Variants in RIMS1 observed in about 807,000 individuals in gnomAD.
The protein encoded by RIMS1 is regulating synaptic membrane exocytosis 1.
In RIMS1, 83 loss-of-function variants were observed where a neutral mutation model predicts 214.1. The observed-to-expected ratio is 0.39, with a 90% CI of 0.32 to 0.47. The LOEUF is 0.47. Ranked by LOEUF, RIMS1 falls within the 20% of genes least tolerant of loss-of-function variation. The pLI, the probability that RIMS1 is intolerant of heterozygous loss-of-function variation, is 0.99. For missense variants in RIMS1, 2,050 were observed against 2,161.8 expected (o/e 0.95, Z 1.03); for synonymous variants, 793 against 786.8 (o/e 1.01, Z -0.13).
At chr6:71,987,351 C>T (rs1050884901) in intron 2 of RIMS1, among the ~76,000 whole-genome samples, 1 of 152,212 alleles carries the variant, frequency 6.6e-6, no homozygotes, top group African/African-American at 2.4e-5. Flanking sequence ...TGAGGACCCT[C>T]TTCTTGGTTT....
intron 2 of RIMS1, among the ~76,000 whole-genome samples, chr6:72,007,271 T>G (rs949007321): frequency 6.6e-6 from 1 of 152,122 alleles, no homozygotes; most frequent in African/African-American, 2.4e-5. Flanking sequence ...GTTCTGACTG[T>G]TAGAAGGAAA....
intron 32 of RIMS1, 70 bp from the exon 33 acceptor site, chr6:72,398,870 TAATTCTCTAATAGGG>T: frequency 1.2e-6 from 1 of 820,722 alleles, no homozygotes; most frequent in African/African-American, 1.7e-5. Context: ...TAAGCATCTC[TAATTCTCTAATAGGG>T]AATTCTCTAA....
At chr6:72,124,051 C>T (rs1490447202) in intron 4 of RIMS1, among the ~76,000 whole-genome samples, 2 of 151,796 alleles carry the variant, frequency 1.3e-5, no homozygotes, top group African/African-American at 4.8e-5. Context: ...TTAGTTGATG[C>T]AGTTTCTTCC....
In RIMS1 at chr6:72,274,344, A is replaced by T. The variant is rs920819369; in HGVS notation, c.3399-5A>T. 6.2e-7 allele frequency: 1 copy of T among 1,606,104 alleles called. No homozygotes were observed. The highest frequency in any genetic ancestry group is 1.3e-5 in the African/African-American group (1 of 74,884). ...TTTTTCCTGTCTTGTTCACTGGGCAAACAGGGGTAGATGGTCCCCCTCCCT... is the reference window on the plus strand; with the variant it reads ...TTTTTCCTGTCTTGTTCACTGGGCATACAGGGGTAGATGGTCCCCCTCCCT... On this transcript the variant is annotated splice_polypyrimidine_tract_variant and splice_region_variant and intron_variant, in intron 22 of 33. Coordinates refer to ENST00000521978, the MANE Select transcript of RIMS1 (RefSeq NM_014989.7).
intron 1 of RIMS1, among the ~76,000 whole-genome samples, chr6:71,912,261 C>T (rs1777153228): frequency 6.6e-6 from 1 of 152,062 alleles, no homozygotes; most frequent in African/African-American, 2.4e-5. Flanking sequence ...TAAGATAACA[C>T]ATTTTTGAGT....
chr6:72,130,240 GT>G (rs2040234026), intron 4 of RIMS1, among the ~76,000 whole-genome samples: 1 of 152,060 alleles, frequency 6.6e-6, no homozygotes, highest in African/African-American at 2.4e-5. Context: ...TATTTAATAT[GT>G]TGAATGACAT....
At chr6:72,291,858 C>G in intron 25 of RIMS1, 76 bp from the exon 26 acceptor site, 2 of 1,077,748 alleles carry the variant, frequency 1.9e-6, no homozygotes, top group Non-Finnish European at 1.4e-6. Context: ...TTAATCGTAA[C>G]AGAAAGGAGG....
intron 24 of RIMS1, among the ~76,000 whole-genome samples, chr6:72,286,298 G>C (rs2092292371): frequency 1.3e-5 from 2 of 152,078 alleles, no homozygotes; most frequent in African/African-American, 2.4e-5. Flanking sequence ...TACTATTTTA[G>C]AAAATGATAG....
chr6:72,271,169 G>A (rs1398324013), intron 22 of RIMS1, among the ~76,000 whole-genome samples: 1 of 151,338 alleles, frequency 6.6e-6, no homozygotes, highest in African/African-American at 2.4e-5. Flanking sequence ...GGGAGGCTGA[G>A]GCAGGAGAAT....
rs953511700 is a variant in RIMS1, at chr6:72,237,932, CT to C, written c.1957+17del. 1.3e-6 allele frequency: 2 copies of C among 1,581,086 alleles called. No homozygotes were observed. The highest frequency in any genetic ancestry group is 4.5e-5 in the East Asian group (2 of 44,590). On this transcript the variant is annotated intron_variant, in intron 9 of 33. Coordinates refer to ENST00000521978, the MANE Select transcript of RIMS1 (RefSeq NM_014989.7). ...GGACACCTAAGAGCAGGTAAAGTTT[CT>C]TTTTTTAATATTTAAACAGTGTGTT...
chr6:72,265,845 T>G (rs558041639), intron 21 of RIMS1, 115 bp from the exon 22 acceptor site: 1 of 698,558 alleles, frequency 1.4e-6, no homozygotes, highest in East Asian at 2.7e-5. Context: ...TCCCAGTGAT[T>G]CTACATTTTG....
At chr6:72,342,118 C>T (rs1471646360) in intron 29 of RIMS1, among the ~76,000 whole-genome samples, 1 of 151,892 alleles carries the variant, frequency 6.6e-6, no homozygotes, top group East Asian at 1.9e-4. Context: ...CTGTTTAAGA[C>T]CCTCTAACTC....
At chr6:71,933,440 G>T (rs1377602925) in intron 1 of RIMS1, among the ~76,000 whole-genome samples, 1 of 151,274 alleles carries the variant, frequency 6.6e-6, no homozygotes, top group Non-Finnish European at 1.5e-5. Flanking sequence ...TATATTATTT[G>T]TTCAACAAAT....
chr6:72,329,137 A>C (rs1406573868), intron 28 of RIMS1, among the ~76,000 whole-genome samples: 1 of 151,972 alleles, frequency 6.6e-6, no homozygotes, highest in Non-Finnish European at 1.5e-5. Flanking sequence ...GAAGCCAGGA[A>C]AAGGCATCCT....
At chr6:72,057,699 G>A (rs2152217444) in intron 2 of RIMS1, among the ~76,000 whole-genome samples, 1 of 152,024 alleles carries the variant, frequency 6.6e-6, no homozygotes, top group African/African-American at 2.4e-5. Flanking sequence ...AGTAGAGACA[G>A]GGTTTCACCG....
At chr6:72,200,248 A>AT (rs2051703236) in intron 6 of RIMS1, among the ~76,000 whole-genome samples, 1 of 151,760 alleles carries the variant, frequency 6.6e-6, no homozygotes, top group Non-Finnish European at 1.5e-5. Flanking sequence ...TCATATATTA[A>AT]TTTTTCATTG....
chr6:72,297,013 C>T (rs939083565), intron 26 of RIMS1, among the ~76,000 whole-genome samples: 3 of 151,650 alleles, frequency 2.0e-5, no homozygotes, highest in Non-Finnish European at 4.4e-5. Context: ...CATTATGTAT[C>T]TCGGTATTAC....
intron 24 of RIMS1, among the ~76,000 whole-genome samples, chr6:72,287,803 A>C (rs1055765659): frequency 2.6e-5 from 4 of 152,130 alleles, no homozygotes; most frequent in Admixed American, 2.0e-4. Flanking sequence ...CATGTTGGTC[A>C]GGCTGCTCTT....
chr6:72,146,570 T>C (rs543966309), intron 4 of RIMS1, among the ~76,000 whole-genome samples: 1 of 152,330 alleles, frequency 6.6e-6, no homozygotes, highest in Middle Eastern at 3.4e-3. Flanking sequence ...TTTATTTCAG[T>C]GTTCAATTTA....
Sources: allele counts gnomAD v4.1 joint callset (sites outside exome capture counted in the v4.1 genomes callset), GRCh38; gene constraint gnomAD v4.1.1; transcripts MANE v1.5; gene names NCBI Gene and HGNC (gene_info 2026-07-23, HGNC 2026-07-21).